Variants in GRIK2 observed in about 807,000 individuals in gnomAD.
GRIK2 encodes the protein glutamate receptor ionotropic, kainate 2.
Under a neutral mutation model 100.3 loss-of-function variants are expected in GRIK2, and 32 were observed. The ratio of observed to expected loss-of-function variants is 0.32; its 90% CI spans 0.24 to 0.43. The LOEUF is 0.43. Ranked by LOEUF, GRIK2 falls within the 20% of genes least tolerant of loss-of-function variation. The pLI, the probability that GRIK2 is intolerant of heterozygous loss-of-function variation, is 1.00. For missense variants in GRIK2, 843 were observed against 1,114.9 expected (o/e 0.76, Z 3.47); for synonymous variants, 417 against 389.4 (o/e 1.07, Z -0.83).
chr6:102,012,884 C>T (rs1795623719), intron 14 of GRIK2, among the ~76,000 whole-genome samples: 2 of 152,020 alleles, frequency 1.3e-5, no homozygotes, highest in Admixed American at 6.6e-5. Flanking sequence ...TCTAGCTTTG[C>T]TCTTTTTGCT....
chr6:102,027,380 A>G (rs1010880775), intron 14 of GRIK2, among the ~76,000 whole-genome samples: 6 of 151,162 alleles, frequency 4.0e-5, no homozygotes, highest in African/African-American at 7.3e-5. Context: ...ATGTCTGTTT[A>G]TTAATTCAAG....
chr6:101,768,236 G>T (rs891314705), intron 7 of GRIK2, among the ~76,000 whole-genome samples: 3 of 152,242 alleles, frequency 2.0e-5, no homozygotes, highest in African/African-American at 7.2e-5. Flanking sequence ...CATTAAGGCT[G>T]CTGCATTTTC....
At chr6:101,467,483 A>G (rs962349418) in intron 2 of GRIK2, among the ~76,000 whole-genome samples, 1 of 152,198 alleles carries the variant, frequency 6.6e-6, no homozygotes, top group Non-Finnish European at 1.5e-5. Context: ...CAGAGCCTCT[A>G]TGTAGCCTGG....
chr6:101,462,372 G>A (rs1272702550), intron 2 of GRIK2, among the ~76,000 whole-genome samples: 1 of 152,102 alleles, frequency 6.6e-6, no homozygotes, highest in Non-Finnish European at 1.5e-5. Context: ...CTGTTTCTCA[G>A]GAGAAGGTTG....
At chr6:101,395,680 GT>G (rs571279489) in intron 1 of GRIK2, among the ~76,000 whole-genome samples, 1 of 151,848 alleles carries the variant, frequency 6.6e-6, no homozygotes, top group Non-Finnish European at 1.5e-5. Context: ...AAGCTAGTGG[GT>G]TTTTTTGTTA....
At chr6:101,647,920 G>A (rs1043959706) in intron 4 of GRIK2, among the ~76,000 whole-genome samples, 2 of 151,968 alleles carry the variant, frequency 1.3e-5, no homozygotes, top group Non-Finnish European at 2.9e-5. Flanking sequence ...CAACCTTGGT[G>A]CTGTTTAGTT....
chr6:101,910,901 TTATC>T (rs1788644066), intron 12 of GRIK2, among the ~76,000 whole-genome samples: 1 of 136,978 alleles, frequency 7.3e-6, no homozygotes, highest in Non-Finnish European at 1.6e-5. Context: ...TCAGGTATCT[TTATC>T]TAAGATAAAT....
intron 2 of GRIK2, among the ~76,000 whole-genome samples, chr6:101,496,282 C>T (rs1278934996): frequency 6.6e-6 from 1 of 152,024 alleles, no homozygotes; most frequent in Non-Finnish European, 1.5e-5. Flanking sequence ...TAAAATAACA[C>T]TATGCCTACA....
At chr6:101,605,659 CAA>C (rs1779408847) in intron 2 of GRIK2, among the ~76,000 whole-genome samples, 1 of 152,002 alleles carries the variant, frequency 6.6e-6, no homozygotes, top group African/African-American at 2.4e-5. Context: ...GCCTAGGTGA[CAA>C]GAGTAAAACT....
At chr6:101,885,053 G>T (rs374338630) in intron 11 of GRIK2, among the ~76,000 whole-genome samples, 1 of 152,022 alleles carries the variant, frequency 6.6e-6, no homozygotes, top group African/African-American at 2.4e-5. Flanking sequence ...TATGCCTGCC[G>T]GCTTTCAAGT....
At chr6:101,638,896 A>T (rs138527440) in intron 4 of GRIK2, among the ~76,000 whole-genome samples, 375 of 152,136 alleles carry the variant, frequency 2.5e-3, no homozygotes, top group African/African-American at 8.8e-3. Context: ...CTGAGGTGAG[A>T]TGATTGCTTG....
At chr6:101,404,282 AT>A (rs1381926936) in intron 2 of GRIK2, among the ~76,000 whole-genome samples, 1 of 152,252 alleles carries the variant, frequency 6.6e-6, no homozygotes, top group Non-Finnish European at 1.5e-5. Flanking sequence ...AAGAAGGAAA[AT>A]ACCATAGATC....
intron 7 of GRIK2, chr6:101,744,580 CT>C (rs534814290): frequency 0.17 from 10,161 of 59,482 alleles, 691 homozygotes; most frequent in South Asian, 0.3. Context: ...TTTTCTTTTT[CT>C]TTTTTTTTTT....
chr6:101,457,944 G>T (rs991004861), intron 2 of GRIK2, among the ~76,000 whole-genome samples: 2 of 152,074 alleles, frequency 1.3e-5, no homozygotes, highest in Middle Eastern at 3.4e-3. Flanking sequence ...TATTTAAAAT[G>T]ATAAAATATT....
chr6:101,859,884 A>T (rs1784640120), intron 11 of GRIK2, among the ~76,000 whole-genome samples: 1 of 152,152 alleles, frequency 6.6e-6, no homozygotes, highest in African/African-American at 2.4e-5. Context: ...TGAGTTTTTA[A>T]AGTAAGTATT....
intron 14 of GRIK2, among the ~76,000 whole-genome samples, chr6:101,995,380 G>A (rs1389910609): frequency 6.6e-6 from 1 of 151,848 alleles, no homozygotes; most frequent in African/African-American, 2.4e-5. Context: ...TAAAATTGGT[G>A]GTATGACAAC....
At chr6:101,849,216 G>A (rs1410063479) in intron 10 of GRIK2, among the ~76,000 whole-genome samples, 1 of 151,794 alleles carries the variant, frequency 6.6e-6, no homozygotes. Flanking sequence ...CATGGTCTAG[G>A]TAGAAAGGGA....
At chr6:102,048,425 T>C (rs1771011243) in intron 15 of GRIK2, among the ~76,000 whole-genome samples, 1 of 152,040 alleles carries the variant, frequency 6.6e-6, no homozygotes, top group Admixed American at 6.6e-5. Context: ...AGGGACAACC[T>C]AGAGATTGTG....
At chr6:101,558,499 C>T (rs1304341399) in intron 2 of GRIK2, among the ~76,000 whole-genome samples, 1 of 151,960 alleles carries the variant, frequency 6.6e-6, no homozygotes, top group Non-Finnish European at 1.5e-5. Context: ...TTGTACTATA[C>T]AAGGGAACAC....
Sources: gnomAD v4.1 joint callset for allele counts (sites outside exome capture counted in the v4.1 genomes callset) on GRCh38, gnomAD v4.1.1 for gene constraint, MANE v1.5 for transcripts, NCBI Gene and HGNC (gene_info 2026-07-23, HGNC 2026-07-21) for gene names.